TTC33: variants seen among roughly 807,000 people sequenced by gnomAD.
TTC33 encodes the protein tetratricopeptide repeat domain 33.
In TTC33, 24 loss-of-function variants were observed where a neutral mutation model predicts 29.4. The ratio of observed to expected loss-of-function variants is 0.82; its 90% CI spans 0.59 to 1.15. The LOEUF (loss-of-function observed/expected upper bound fraction) is 1.15. TTC33 is among the 50% of genes most tolerant of loss of function. The probability of loss-of-function intolerance (pLI) is 0.00; values close to 1 mark genes in which losing one functional copy is unlikely to be tolerated. For synonymous variants in TTC33, 107 were observed against 100.3 expected (o/e 1.07, Z -0.40); for missense variants, 286 against 310.4 (o/e 0.92, Z 0.59).
Position 40,730,251 on chromosome 5 carries a change from A to T in TTC33, c.303+11T>A, listed in dbSNP as rs763885705. ...TTTCATAAGGAAAGTGAAATTCTTC[A>T]TAATTATTACCTGTGATTTCATCTC... On this transcript the variant is annotated intron_variant, in intron 3 of 4. Coordinates refer to ENST00000337702, the MANE Select transcript of TTC33 (RefSeq NM_012382.3). The T allele has an allele frequency of 1.3e-6, 2 of 1,588,760 alleles. No homozygotes were observed. The highest frequency in any genetic ancestry group is 1.7e-6 in the Non-Finnish European group (2 of 1,162,516).
At chr5:40,744,977 C>T (rs1561154049) in intron 2 of TTC33, among the ~76,000 whole-genome samples, 1 of 152,066 alleles carries the variant, frequency 6.6e-6, no homozygotes, top group South Asian at 2.1e-4. Flanking sequence ...AATATTTAGA[C>T]TCAATCTCTA....
At position 40,714,399 on chromosome 5, in the gene TTC33, T is replaced by C. The variant is rs569311383; in HGVS notation, c.*1746A>G. 3.9e-5 allele frequency: 6 copies of C among 152,180 alleles called. No individual in the cohort carries two copies. The South Asian group carries it at 1.0e-3, about 26-fold the overall frequency. The allele number at this position is 152,180 out of a possible 1,614,324, so 9.4% of individuals were successfully genotyped here. A position where few individuals can be genotyped will look rare whatever the true frequency, so the allele number is the denominator to read the frequency against. On this transcript the variant is annotated 3_prime_UTR_variant, in exon 5 of 5. Transcript: ENST00000337702. ...AGGTACTTTAAATATATTAAGTTCA[T>C]ATAAGAAAGACACTAAGTAGATCAA...
chr5:40,744,487 G>GA (rs1742754915), intron 2 of TTC33, among the ~76,000 whole-genome samples: 3 of 136,414 alleles, frequency 2.2e-5, no homozygotes, highest in South Asian at 4.6e-4. Flanking sequence ...ACTCTTACCA[G>GA]TTTTTTTTTT....
At chr5:40,744,231 A>G (rs1742750298) in intron 2 of TTC33, among the ~76,000 whole-genome samples, 4 of 152,230 alleles carry the variant, frequency 2.6e-5, no homozygotes, top group Admixed American at 2.0e-4. Context: ...AAAATACCAC[A>G]AATGAGAATT....
At chr5:40,719,561 T>C (rs907701327) in intron 4 of TTC33, among the ~76,000 whole-genome samples, 39 of 152,238 alleles carry the variant, frequency 2.6e-4, no homozygotes, top group Non-Finnish European at 4.4e-5. Context: ...CTCTTGGGTA[T>C]AAAGAGTGGA....
chr5:40,738,544 AAAT>A (rs1742616883), intron 2 of TTC33, among the ~76,000 whole-genome samples: 2 of 122,018 alleles, frequency 1.6e-5, no homozygotes, highest in African/African-American at 6.0e-5. Flanking sequence ...AAATACAATA[AAAT>A]AAAATAAAAT....
At chr5:40,723,534 A>G (rs1385237682) in intron 4 of TTC33, among the ~76,000 whole-genome samples, 2 of 151,768 alleles carry the variant, frequency 1.3e-5, no homozygotes, top group Non-Finnish European at 2.9e-5. Context: ...AAAAAGAAAT[A>G]TCACCTCACA....
In TTC33 at chr5:40,742,342, A is replaced by G. The variant is rs1035999332; in HGVS notation, c.221+4456T>C. ...ATAATAGTAATAATAATAATAACTA[A>G]TATTTATTGAGTATTTACTACATGA... On this transcript the variant is annotated intron_variant, in intron 2 of 4. Coordinates refer to ENST00000337702, the MANE Select transcript of TTC33 (RefSeq NM_012382.3). Among the ~76,000 whole-genome samples the G allele has an allele frequency of 5.3e-5, 8 of 152,154 alleles. No individual in the cohort carries two copies. The South Asian group carries it at 6.2e-4, about 12-fold the overall frequency.
intron 2 of TTC33, among the ~76,000 whole-genome samples, chr5:40,738,049 T>C (rs926190246): frequency 1.3e-5 from 2 of 152,218 alleles, no homozygotes; most frequent in African/African-American, 4.8e-5. Context: ...GATATAATGT[T>C]TTCATTTCTT....
intron 2 of TTC33, among the ~76,000 whole-genome samples, chr5:40,731,646 C>T (rs1171384839): frequency 6.6e-6 from 1 of 152,142 alleles, no homozygotes; most frequent in Non-Finnish European, 1.5e-5. Context: ...CAGAAACTGC[C>T]GCCATAATTC....
chr5:40,728,334 G>A lies in TTC33; in HGVS notation c.435+11C>T, dbSNP rs367609165. The A allele has an allele frequency of 3.9e-5, 54 of 1,376,590 alleles. No individual in the cohort carries two copies. The highest frequency in any genetic ancestry group is 5.1e-5 in the Non-Finnish European group (52 of 1,018,622). The allele number at this position is 1,376,590 out of a possible 1,614,324, so 85.3% of individuals were successfully genotyped here. ...TAAAATTTCTGCATTATAATAATCT[G>A]ACTTCCTCACCAGGATTATCTCTCC... On this transcript the variant is annotated intron_variant, in intron 4 of 4. Coordinates refer to ENST00000337702, the MANE Select transcript of TTC33 (RefSeq NM_012382.3).
At position 40,741,620 on chromosome 5, in the gene TTC33, G is replaced by T. The variant is rs249421; in HGVS notation, c.221+5178C>A. ...CAAAGTCCAATCTCCATCTCCTCAC[G>T]CAGCAAGACCACTGTGGTCTATCTG... On this transcript the variant is annotated intron_variant, in intron 2 of 4. Coordinates refer to ENST00000337702, the MANE Select transcript of TTC33 (RefSeq NM_012382.3). 1.1e-3 allele frequency among the ~76,000 whole-genome samples: 165 copies of T among 152,208 alleles called. 1 individual carries two copies. The East Asian group carries it at 0.026, about 24-fold the overall frequency.
intron 2 of TTC33, 53 bp downstream of exon 2, chr5:40,746,745 T>C: frequency 2.2e-6 from 3 of 1,347,404 alleles, no homozygotes; most frequent in South Asian, 1.3e-5. Context: ...TTACGGACAG[T>C]GAGCTAGAAA....
intron 1 of TTC33, 71 bp downstream of exon 1, chr5:40,755,753 A>G (rs111393976): frequency 6.6e-6 from 1 of 152,510 alleles, no homozygotes; most frequent in Non-Finnish European, 1.5e-5. Context: ...GTTACCCGAT[A>G]ACGGCTCCCA....
chr5:40,749,568 A>G (rs1165272086), intron 1 of TTC33, among the ~76,000 whole-genome samples: 2 of 152,186 alleles, frequency 1.3e-5, no homozygotes, highest in African/African-American at 4.8e-5. Flanking sequence ...AATACTGCAT[A>G]AGTTCGAGCA....
intron 2 of TTC33, among the ~76,000 whole-genome samples, chr5:40,746,590 T>TTA: frequency 6.6e-6 from 1 of 152,182 alleles, no homozygotes. Context: ...GAAAACTATT[T>TTA]TACAAACTTT....
intron 4 of TTC33, among the ~76,000 whole-genome samples, chr5:40,718,948 T>C (rs552216285): frequency 1.3e-5 from 2 of 152,290 alleles, no homozygotes; most frequent in Admixed American, 1.3e-4. Flanking sequence ...ATGGGAATTG[T>C]GCTTTATGTG....
chr5:40,738,239 C>T (rs1335951387), intron 2 of TTC33, among the ~76,000 whole-genome samples: 1 of 151,796 alleles, frequency 6.6e-6, no homozygotes, highest in Non-Finnish European at 1.5e-5. Flanking sequence ...CGGTGAAACC[C>T]TGTCTCTACT....
intron 2 of TTC33, among the ~76,000 whole-genome samples, chr5:40,731,931 T>C (rs1284607329): frequency 6.6e-6 from 1 of 152,236 alleles, no homozygotes; most frequent in Non-Finnish European, 1.5e-5. Context: ...TACAAAGCAC[T>C]TTCAATACAA....
Sources: gnomAD v4.1 joint callset for allele counts (sites outside exome capture counted in the v4.1 genomes callset) on GRCh38, gnomAD v4.1.1 for gene constraint, MANE v1.5 for transcripts, NCBI Gene and HGNC (gene_info 2026-07-23, HGNC 2026-07-21) for gene names.